Variants in KCNG2 observed in about 807,000 individuals in gnomAD.
KCNG2 encodes voltage-gated potassium channel regulatory subunit KCNG2.
A neutral mutation model predicts 12.3 loss-of-function variants in KCNG2; 7 were observed. That is an observed-to-expected ratio of 0.57 (90% CI 0.32 to 1.07). The LOEUF (loss-of-function observed/expected upper bound fraction) is 1.07. KCNG2 is among the 50% of genes least tolerant of loss of function. The probability of loss-of-function intolerance (pLI) is 0.04; values close to 1 mark genes in which losing one functional copy is unlikely to be tolerated. For synonymous variants in KCNG2, 414 were observed against 351.4 expected (o/e 1.18, Z -1.99); for missense variants, 703 against 726.0 (o/e 0.97, Z 0.36).
At chr18:79,837,507 TTACTC>T (rs1053309622) in intron 1 of KCNG2, among the ~76,000 whole-genome samples, 19 of 152,318 alleles carry the variant, frequency 1.2e-4, no homozygotes, top group African/African-American at 4.3e-4. Context: ...CCCCTCTGCT[TTACTC>T]TACTAGAGGT....
intron 3 of KCNG2, among the ~76,000 whole-genome samples, chr18:79,875,643 C>A (rs1980039828): frequency 6.6e-6 from 1 of 152,232 alleles, no homozygotes; most frequent in Non-Finnish European, 1.5e-5. Context: ...GGCAGCACCG[C>A]AGACCCTGGC....
intron 3 of KCNG2, among the ~76,000 whole-genome samples, chr18:79,865,805 TGCTGAGAGG>T (rs1979489203): frequency 5.1e-4 from 63 of 124,342 alleles, no homozygotes; most frequent in Non-Finnish European, 8.2e-4. Flanking sequence ...GAGGTCTGTG[TGCTGAGAGG>T]TCTGGGTGCT....
Position 79,830,754 on chromosome 18 carries a change from C to T in KCNG2, c.-114-25625C>T, listed in dbSNP as rs921707769. Among the ~76,000 whole-genome samples, 283 of 148,112 alleles carry T rather than the reference C, an allele frequency of 1.9e-3. 1 individual carries two copies. The highest frequency in any genetic ancestry group is 5.9e-3 in the African/African-American group (235 of 39,800). The stretch of plus-strand genomic sequence containing the variant: ...GAGCCTTCGTCAGGAGGGTTCCCTG[C>T]GGACAGAGCCTTCGTCAGGAGGGTT... On this transcript the variant is annotated intron_variant, in intron 1 of 3. Transcript: ENST00000316249.
At chr18:79,852,055 G>T (rs553354164) in intron 1 of KCNG2, among the ~76,000 whole-genome samples, 61 of 152,320 alleles carry the variant, frequency 4.0e-4, no homozygotes, top group African/African-American at 1.4e-3. Context: ...ACCTGGGTCC[G>T]TCTGCACTAG....
In KCNG2 at chr18:79,797,990, G is replaced by A. The variant is rs1003589276; in HGVS notation, c.-139G>A. On this transcript the variant is annotated 5_prime_UTR_variant, in exon 1 of 4. Transcript: ENST00000316249. ...GCCGCCGGCCGGGTAAGCGGAGCCC[G>A]GAGCTCGCGGAGTCTGGACCGCAGG... Among the ~76,000 whole-genome samples the A allele has an allele frequency of 2.0e-5, 3 of 151,642 alleles. No individual in the cohort carries two copies. The highest frequency in any genetic ancestry group is 6.6e-5 in the Admixed American group (1 of 15,258).
chr18:79,898,359 TGCAGCAAGG>T (rs1981053639), intron 3 of KCNG2, among the ~76,000 whole-genome samples: 5 of 152,184 alleles, frequency 3.3e-5, no homozygotes, highest in Admixed American at 3.3e-4. Context: ...CTGGAATCAC[TGCAGCAAGG>T]GCAGTCAGGC....
chr18:79,854,383 G>A (rs528203560), intron 1 of KCNG2, among the ~76,000 whole-genome samples: 6 of 152,288 alleles, frequency 3.9e-5, no homozygotes, highest in South Asian at 2.1e-4. Flanking sequence ...CCCTGGTTAC[G>A]TTTATTTTAA....
Position 79,864,009 on chromosome 18 carries a change from C to G in KCNG2, c.342C>G (p.Arg114=). 2 of 1,181,804 alleles carry G rather than the reference C, an allele frequency of 1.7e-6. No individual in the cohort carries two copies. Among genetic ancestry groups the G allele is most frequent in the Non-Finnish European group, 2.1e-6 (2 of 953,994 alleles). The allele number at this position is 1,181,804 out of a possible 1,614,324, so 73.2% of individuals were successfully genotyped here. A position where few individuals can be genotyped will look rare whatever the true frequency, so the allele number is the denominator to read the frequency against. ...ELAYWGIDEA[R]LERCCLRRLR... ...CCTACTGGGGCATCGACGAGGCGCG[C>G]CTGGAGCGCTGCTGCCTGCGCCGCC... The change falls in exon 3 of 4, where the codon CGC becomes CGG. Residue 114 remains arginine, a synonymous_variant. Coordinates refer to ENST00000316249, the MANE Select transcript of KCNG2 (RefSeq NM_012283.2).
intron 1 of KCNG2, among the ~76,000 whole-genome samples, chr18:79,809,381 T>G (rs368080081): frequency 0.076 from 4,192 of 54,984 alleles, 6 homozygotes; most frequent in Middle Eastern, 0.12. Context: ...CCCAGAGTCC[T>G]CGCTCTGAGG....
chr18:79,798,264 C>T (rs879899654), intron 1 of KCNG2, among the ~76,000 whole-genome samples: 2 of 151,770 alleles, frequency 1.3e-5, no homozygotes, highest in Admixed American at 1.3e-4. Flanking sequence ...CGCTCAGCGC[C>T]CAGAGTCCGG....
chr18:79,840,467 TAAATG>T (rs1293087964), intron 1 of KCNG2, among the ~76,000 whole-genome samples: 2 of 152,178 alleles, frequency 1.3e-5, no homozygotes, highest in Non-Finnish European at 2.9e-5. Context: ...ATAATCTAAA[TAAATG>T]GAGAGATGTA....
intron 3 of KCNG2, among the ~76,000 whole-genome samples, chr18:79,868,786 C>G (rs1979712319): frequency 1.3e-5 from 2 of 152,222 alleles, no homozygotes; most frequent in Non-Finnish European, 2.9e-5. Context: ...CAGCCCAGCT[C>G]AAGCCTCAGA....
At chr18:79,888,240 G>A (rs567342500) in intron 3 of KCNG2, among the ~76,000 whole-genome samples, 2 of 152,196 alleles carry the variant, frequency 1.3e-5, no homozygotes, top group Non-Finnish European at 1.5e-5. Context: ...CACGTTTGGG[G>A]TGGCACGCTG....
At chr18:79,819,648 T>C (rs117977085) in intron 1 of KCNG2, among the ~76,000 whole-genome samples, 13,095 of 152,330 alleles carry the variant, frequency 0.086, 1,129 homozygotes, top group South Asian at 0.34. Context: ...GCCAGCAGGC[T>C]GCAATAGAGG....
Position 79,839,579 on chromosome 18 carries a change from A to G in KCNG2, c.-114-16800A>G, listed in dbSNP as rs140994167. ...TAATAAACTTGAATTTGTAAATTAA[A>G]AATTCCTGAAAAAGCAATCTCCAAG... On this transcript the variant is annotated intron_variant, in intron 1 of 3. Coordinates refer to ENST00000316249, the MANE Select transcript of KCNG2 (RefSeq NM_012283.2). 9.1e-3 allele frequency among the ~76,000 whole-genome samples: 1,380 copies of G among 152,332 alleles called. 72 individuals carry two copies. The highest frequency in any genetic ancestry group is 0.073 in the Admixed American group (1,111 of 15,296).
At chr18:79,844,610 G>A (rs2123040763) in intron 1 of KCNG2, among the ~76,000 whole-genome samples, 1 of 152,286 alleles carries the variant, frequency 6.6e-6, no homozygotes, top group Non-Finnish European at 1.5e-5. Flanking sequence ...CTTGATTGTG[G>A]TAATCATTGC....
intron 1 of KCNG2, among the ~76,000 whole-genome samples, chr18:79,811,482 C>G (rs149761653): frequency 8.1e-4 from 124 of 152,296 alleles, no homozygotes; most frequent in Non-Finnish European, 1.4e-3. Context: ...AAAGAATAGT[C>G]TCTTCAGCAG....
chr18:79,851,629 T>G (rs1245605331), intron 1 of KCNG2, among the ~76,000 whole-genome samples: 3 of 151,004 alleles, frequency 2.0e-5, no homozygotes, highest in Admixed American at 6.6e-5. Context: ...TGTGTGTGTA[T>G]GTGCGGTGTG....
At chr18:79,863,266 C>A (rs1291636334) in intron 2 of KCNG2, among the ~76,000 whole-genome samples, 1 of 152,238 alleles carries the variant, frequency 6.6e-6, no homozygotes, top group Admixed American at 6.5e-5. Flanking sequence ...CCAGACATCA[C>A]GGCGTCCTCA....
Sources: allele counts gnomAD v4.1 joint callset (sites outside exome capture counted in the v4.1 genomes callset), GRCh38; gene constraint gnomAD v4.1.1; transcripts MANE v1.5; gene names NCBI Gene and HGNC (gene_info 2026-07-23, HGNC 2026-07-21).